PRUNE2: variants seen among roughly 807,000 people sequenced by gnomAD.
PRUNE2 encodes protein prune homolog 2.
PRUNE2 carries 164 observed loss-of-function variants against 252.0 expected under a neutral mutation model. The observed-to-expected ratio is 0.65, with a 90% CI of 0.57 to 0.74. PRUNE2 has a LOEUF of 0.74. PRUNE2 is among the 30% of genes least tolerant of loss of function. The pLI is 0.00. For missense variants in PRUNE2, 3,495 were observed against 3,711.0 expected, an observed-to-expected ratio of 0.94 and a Z score of 1.51; for synonymous variants, 1,292 against 1,350.2, an observed-to-expected ratio of 0.96 and a Z score of 0.94.
At chr9:76,673,138 A>C (rs1371449123) in intron 9 of PRUNE2, among the ~76,000 whole-genome samples, 4 of 152,222 alleles carry the variant, frequency 2.6e-5, no homozygotes, top group African/African-American at 4.8e-5. Flanking sequence ...AAGGATCAAC[A>C]AAATTGATAG....
At chr9:76,753,761 C>A (rs1564218373) in intron 6 of PRUNE2, among the ~76,000 whole-genome samples, 2 of 151,762 alleles carry the variant, frequency 1.3e-5, no homozygotes, top group African/African-American at 4.8e-5. Context: ...AAAAGAAATA[C>A]AAAAAAATTA....
At chr9:76,811,041 G>T (rs2057323745) in intron 6 of PRUNE2, among the ~76,000 whole-genome samples, 2 of 152,170 alleles carry the variant, frequency 1.3e-5, no homozygotes, top group Non-Finnish European at 2.9e-5. Flanking sequence ...GAAGGGAGGG[G>T]AGAGAGAATA....
chr9:76,783,336 C>T (rs980903752), intron 6 of PRUNE2, among the ~76,000 whole-genome samples: 19 of 152,198 alleles, frequency 1.2e-4, no homozygotes, highest in African/African-American at 4.6e-4. Context: ...GGGGTTTCAC[C>T]ATATTGGCCA....
Position 76,629,217 on chromosome 9 carries a change from T to C in PRUNE2, c.9124A>G (p.Ile3042Val), listed in dbSNP as rs759116392. The C allele has an allele frequency of 1.9e-6, 3 of 1,605,366 alleles. No homozygotes were observed. In the South Asian group the frequency reaches 3.3e-5, roughly 18 times the overall value. ...ELSGLIPMDC[I>V]HIPESIIKLD... ...TTGATGATGCTCTCTGGAATGTGGATGCAATCCATTGGGATCAGCCCACTG... is the reference window on the plus strand; with the variant it reads ...TTGATGATGCTCTCTGGAATGTGGACGCAATCCATTGGGATCAGCCCACTG... The change falls in exon 16 of 19, where the codon ATC (isoleucine) becomes GTC (valine). Residue 3042 changes from isoleucine (I) to valine (V), a missense_variant. By Grantham distance (29) the Ile-to-Val change is conservative (BLOSUM62 3). Coordinates refer to ENST00000376718, the MANE Select transcript of PRUNE2 (RefSeq NM_015225.3).
At chr9:76,866,513 T>C (rs927235635) in intron 1 of PRUNE2, among the ~76,000 whole-genome samples, 2 of 152,208 alleles carry the variant, frequency 1.3e-5, no homozygotes, top group African/African-American at 4.8e-5. Context: ...TGCCTATTCA[T>C]AAGTAGAATG....
At position 76,644,885 on chromosome 9, in the gene PRUNE2, C is replaced by T; in HGVS notation, c.8582G>A (p.Gly2861Asp). ...GHDPTANKDS[G>D]QESESIPEYT... is the part of the protein sequence containing the mutation. ...TTCTGGAATAGACTCTGACTCTTGG[C>T]CAGAATCTTTGTTGGCTGTGGGATC... The change falls in exon 12 of 19, where the codon GGC becomes GAC. Residue 2861 changes from glycine (G) to aspartate (D), a missense_variant. By Grantham distance (94) the Gly-to-Asp change is moderately conservative (BLOSUM62 -1). Coordinates refer to ENST00000376718, the MANE Select transcript of PRUNE2 (RefSeq NM_015225.3). 1 of 1,613,642 alleles carries T rather than the reference C, an allele frequency of 6.2e-7. No individual in the cohort carries two copies. Among genetic ancestry groups the T allele is most frequent in the East Asian group, 2.2e-5 (1 of 44,856 alleles).
intron 6 of PRUNE2, among the ~76,000 whole-genome samples, chr9:76,799,585 A>G (rs1348118120): frequency 6.6e-6 from 1 of 152,214 alleles, no homozygotes; most frequent in Non-Finnish European, 1.5e-5. Flanking sequence ...GCCCTGTTAC[A>G]TCATGTTGGG....
At chr9:76,668,306 G>T (rs554170345) in intron 9 of PRUNE2, among the ~76,000 whole-genome samples, 1 of 152,200 alleles carries the variant, frequency 6.6e-6, no homozygotes, top group South Asian at 2.1e-4. Flanking sequence ...ATGCAAACAC[G>T]AAATAATTAA....
chr9:76,711,065 T>C lies in PRUNE2; in HGVS notation c.1209A>G (p.Ile403Met). The C allele has an allele frequency of 6.2e-7, 1 of 1,614,048 alleles. No individual in the cohort carries two copies. The highest frequency in any genetic ancestry group is 8.5e-7 in the Non-Finnish European group (1 of 1,179,886). Residue 403 changes from isoleucine to methionine, a missense_variant, in exon 8 of 19, where the codon ATA becomes ATG. Transcript: ENST00000376718. Reference sequence around the variant, plus strand: ...AATCATTGAGATCTGGAGGGTTCTCTATGAAATTCACAGAGCTGGGTTGTG... The same window carrying C: ...AATCATTGAGATCTGGAGGGTTCTCCATGAAATTCACAGAGCTGGGTTGTG... ...IEPQPSSVNF[I>M]ENPPDLNDSN... is the part of the protein sequence containing the mutation.
intron 9 of PRUNE2, among the ~76,000 whole-genome samples, chr9:76,656,567 T>C (rs1401581855): frequency 6.6e-6 from 1 of 152,162 alleles, no homozygotes; most frequent in Non-Finnish European, 1.5e-5. Flanking sequence ...AGCACTATGA[T>C]GAAAGAAAAT....
chr9:76,718,380 T>A (rs1259543504), intron 6 of PRUNE2, among the ~76,000 whole-genome samples: 2 of 152,178 alleles, frequency 1.3e-5, no homozygotes, highest in Non-Finnish European at 2.9e-5. Context: ...GTCCCCCTGG[T>A]GGGGGATCTG....
chr9:76,870,550 G>A (rs1316458497), intron 1 of PRUNE2, among the ~76,000 whole-genome samples: 1 of 152,078 alleles, frequency 6.6e-6, no homozygotes, highest in Non-Finnish European at 1.5e-5. Flanking sequence ...GCTGGGCGTG[G>A]TAGCGGGTGC....
chr9:76,872,630 C>G (rs2061277561), intron 1 of PRUNE2, among the ~76,000 whole-genome samples: 2 of 151,900 alleles, frequency 1.3e-5, no homozygotes, highest in South Asian at 4.2e-4. Context: ...CACACACACA[C>G]ACACACACAC....
intron 6 of PRUNE2, among the ~76,000 whole-genome samples, chr9:76,807,772 AC>A (rs1339700841): frequency 6.6e-6 from 1 of 152,232 alleles, no homozygotes; most frequent in African/African-American, 2.4e-5. Flanking sequence ...GATTCCCTTT[AC>A]AATTAGGGAG....
intron 1 of PRUNE2, among the ~76,000 whole-genome samples, chr9:76,886,814 A>T (rs2062129020): frequency 6.6e-6 from 1 of 152,158 alleles, no homozygotes; most frequent in African/African-American, 2.4e-5. Flanking sequence ...GGTTTTATTT[A>T]TTTATCTTAA....
Position 76,793,232 on chromosome 9 carries a change from A to C in PRUNE2, c.756+30400T>G, listed in dbSNP as rs1259367398. On this transcript the variant is annotated intron_variant, in intron 6 of 18. Transcript: ENST00000376718. ...TCAAACACTGAGAGATATGTATACA[A>C]AGAGTTAAGTAAATAATGTAAATAA... Among the ~76,000 whole-genome samples the C allele has an allele frequency of 2.0e-5, 3 of 152,362 alleles. No homozygotes were observed. The East Asian group carries it at 5.8e-4, about 29-fold the overall frequency.
At chr9:76,790,602 C>T (rs184840909) in intron 6 of PRUNE2, among the ~76,000 whole-genome samples, 62 of 151,990 alleles carry the variant, frequency 4.1e-4, no homozygotes, top group African/African-American at 1.2e-3. Flanking sequence ...AAATTAGGAT[C>T]GGTGCAGGAA....
intron 1 of PRUNE2, among the ~76,000 whole-genome samples, chr9:76,857,841 C>T (rs908598998): frequency 3.9e-5 from 6 of 152,060 alleles, no homozygotes; most frequent in African/African-American, 7.2e-5. Flanking sequence ...GAGGTCCCCA[C>T]GGTTCTGGTG....
intron 6 of PRUNE2, among the ~76,000 whole-genome samples, chr9:76,811,325 T>C (rs1445941158): frequency 6.6e-6 from 1 of 152,216 alleles, no homozygotes; most frequent in African/African-American, 2.4e-5. Context: ...GTCACATATA[T>C]TTTGTAAAAA....
Sources: gnomAD v4.1 joint callset for allele counts (sites outside exome capture counted in the v4.1 genomes callset) on GRCh38, gnomAD v4.1.1 for gene constraint, MANE v1.5 for transcripts, NCBI Gene and HGNC (gene_info 2026-07-23, HGNC 2026-07-21) for gene names.